KLHL4: variants seen among roughly 807,000 people sequenced by gnomAD.
KLHL4 encodes kelch like family member 4, also known as kelch-like protein 4.
A neutral mutation model predicts 45.8 loss-of-function variants in KLHL4; 17 were observed. That is an observed-to-expected ratio of 0.37 (90% confidence interval 0.25 to 0.56). KLHL4 has a LOEUF of 0.56. Ranked by LOEUF, KLHL4 falls within the 20% of genes least tolerant of loss-of-function variation. The pLI is 0.79. For synonymous variants in KLHL4, 224 were observed against 189.9 expected, an observed-to-expected ratio of 1.18 and a Z score of -1.47; for missense variants, 544 against 544.9, an observed-to-expected ratio of 1.00 and a Z score of 0.02.
intron 1 of KLHL4, among the ~76,000 whole-genome samples, chrX:87,601,305 C>T (rs72634513): frequency 0.3 from 32,641 of 110,272 alleles, 3,638 homozygotes; most frequent in African/African-American, 0.4. Flanking sequence ...CTTGGGGTTT[C>T]ATACATTGGC....
intron 1 of KLHL4, among the ~76,000 whole-genome samples, chrX:87,523,412 G>A (rs918146563): frequency 4.5e-5 from 5 of 111,413 alleles, no homozygotes; most frequent in Admixed American, 1.9e-4. Flanking sequence ...GAGCACTGGG[G>A]AACACTGGAT....
At chrX:87,568,592 A>G (rs748004226) in intron 1 of KLHL4, among the ~76,000 whole-genome samples, 1 of 110,257 alleles carries the variant, frequency 9.1e-6, no homozygotes, top group African/African-American at 3.3e-5. Context: ...TAGTACTTTC[A>G]TAAGGATAAA....
chrX:87,632,686 A>G (rs935866411), intron 7 of KLHL4, among the ~76,000 whole-genome samples: 2 of 111,499 alleles, frequency 1.8e-5, no homozygotes, highest in African/African-American at 3.3e-5. Flanking sequence ...AAAGGGATTT[A>G]TTATAAAATA....
In KLHL4 at chrX:87,669,418, C is replaced by T. The variant is rs779610187; in HGVS notation, c.*2884C>T. On this transcript the variant is annotated 3_prime_UTR_variant, in exon 11 of 11. Transcript: ENST00000373119. ...AAATTCAGATCCTTTCTCCACACAG[C>T]AATGACATTTATCAATCTGACTCAG... 1 of 1,206,780 alleles carries T rather than the reference C, an allele frequency of 8.3e-7. No individual in the cohort carries two copies. The highest frequency in any genetic ancestry group is 1.1e-6 in the Non-Finnish European group (1 of 892,869).
chrX:87,617,232 C>A, intron 3 of KLHL4, among the ~76,000 whole-genome samples: 1 of 108,219 alleles, frequency 9.2e-6, no homozygotes, highest in Admixed American at 9.9e-5. Context: ...TATAACAAAG[C>A]AAATAAGTAA....
intron 1 of KLHL4, among the ~76,000 whole-genome samples, chrX:87,576,982 C>A (rs1264809044): frequency 3.6e-5 from 4 of 111,054 alleles, no homozygotes; most frequent in Non-Finnish European, 7.6e-5. Context: ...TAATAGCTGG[C>A]CTTTAAGTAT....
intron 1 of KLHL4, among the ~76,000 whole-genome samples, chrX:87,610,940 G>T (rs192374739): frequency 3.6e-5 from 4 of 110,462 alleles, no homozygotes; most frequent in Non-Finnish European, 5.7e-5. Context: ...CAGGTGTGGT[G>T]GTGCACGTCC....
chrX:87,556,352 A>G (rs1931972739), intron 1 of KLHL4, among the ~76,000 whole-genome samples: 1 of 110,171 alleles, frequency 9.1e-6, no homozygotes, highest in East Asian at 2.9e-4. Flanking sequence ...ATAAAAAATG[A>G]TGAGTTCATG....
Position 87,632,381 on chromosome X carries a change from T to C in KLHL4, c.1496T>C (p.Val499Ala). 3 of 1,210,888 alleles carry C rather than the reference T, an allele frequency of 2.5e-6. No individual in the cohort carries two copies. The highest frequency in any genetic ancestry group is 3.4e-6 in the Non-Finnish European group (3 of 894,789). The change falls in exon 7 of 11, where the codon GTT becomes GCT. Residue 499 changes from valine (V) to alanine (A), a missense_variant. Val to Ala is a moderately conservative substitution (Grantham distance 64). Transcript: ENST00000373119. ...AATACAGTGGAATGTTTTAATCCAG[T>C]TGGCAAAATCTGGACTGTGATGCCT... ...TLNTVECFNP[V>A]GKIWTVMPPM...
chrX:87,607,621 C>G (rs1411956385), intron 1 of KLHL4, among the ~76,000 whole-genome samples: 1 of 111,802 alleles, frequency 8.9e-6, no homozygotes, highest in Non-Finnish European at 1.9e-5. Flanking sequence ...TACTGATAGT[C>G]TAATTTTAAA....
chrX:87,628,911 T>C (rs1923018317), intron 6 of KLHL4, among the ~76,000 whole-genome samples: 1 of 111,901 alleles, frequency 8.9e-6, no homozygotes, highest in Non-Finnish European at 1.9e-5. Flanking sequence ...AGTATAATCA[T>C]AGAGTCAAAA....
In KLHL4 at chrX:87,669,514, A is replaced by G; in HGVS notation, c.*2980A>G. ...AGTTTCCTTCTGGAGTTCCAAATGC[A>G]ATATAGAAAAAAAAACCCTGTGACT... On this transcript the variant is annotated 3_prime_UTR_variant, in exon 11 of 11. Coordinates refer to ENST00000373119, the MANE Select transcript of KLHL4 (RefSeq NM_019117.5). 1.1e-6 allele frequency: 1 copy of G among 876,028 alleles called. No individual in the cohort carries two copies. Among genetic ancestry groups the G allele is most frequent in the Admixed American group, 4.3e-5 (1 of 23,282 alleles). 72.2% of individuals were successfully genotyped at this position (876,028 alleles called of 1,213,427 possible).
intron 1 of KLHL4, among the ~76,000 whole-genome samples, chrX:87,555,926 T>A (rs1931961740): frequency 9.1e-6 from 1 of 110,475 alleles, no homozygotes; most frequent in Non-Finnish European, 1.9e-5. Flanking sequence ...GTGTCTTTGT[T>A]CTCGTTGGTT....
chrX:87,669,141 T>C lies in KLHL4; in HGVS notation c.*2607T>C. On this transcript the variant is annotated 3_prime_UTR_variant, in exon 11 of 11. Coordinates refer to ENST00000373119, the MANE Select transcript of KLHL4 (RefSeq NM_019117.5). ...AACAAATGTGTATAGGAAAGGATGT[T>C]ATTTATATATTCTTACAAGAGTGTA... 1 of 1,018,519 alleles carries C rather than the reference T, an allele frequency of 9.8e-7. No individual in the cohort carries two copies. The highest frequency in any genetic ancestry group is 1.2e-6 in the Non-Finnish European group (1 of 800,930). 83.9% of individuals were successfully genotyped at this position (1,018,519 alleles called of 1,213,427 possible).
At chrX:87,558,003 G>A (rs1472086257) in intron 1 of KLHL4, among the ~76,000 whole-genome samples, 3 of 111,474 alleles carry the variant, frequency 2.7e-5, no homozygotes, top group Non-Finnish European at 5.7e-5. Context: ...ATCCACAGAT[G>A]CCTTGGAAAT....
At chrX:87,572,408 C>G (rs1174266776) in intron 1 of KLHL4, among the ~76,000 whole-genome samples, 1 of 110,578 alleles carries the variant, frequency 9.0e-6, no homozygotes, top group Non-Finnish European at 1.9e-5. Flanking sequence ...CTGAAAAGAG[C>G]TCTCTCTCTC....
chrX:87,566,221 C>T (rs1052995174), intron 1 of KLHL4, among the ~76,000 whole-genome samples: 5 of 111,033 alleles, frequency 4.5e-5, no homozygotes, highest in African/African-American at 9.8e-5. Context: ...GGGAAGACTT[C>T]GCAGCTAGTT....
At chrX:87,590,516 G>T (rs1921628499) in intron 1 of KLHL4, among the ~76,000 whole-genome samples, 1 of 111,627 alleles carries the variant, frequency 9.0e-6, no homozygotes, top group African/African-American at 3.3e-5. Context: ...GACTACAAAA[G>T]ATATCAGACA....
chrX:87,665,050 G>T, intron 10 of KLHL4, 115 bp downstream of exon 10: 1 of 467,201 alleles, frequency 2.1e-6, no homozygotes, highest in Non-Finnish European at 3.5e-6. Flanking sequence ...AGATCTTTTA[G>T]TGAAATTTAT....
Sources: allele counts gnomAD v4.1 joint callset (sites outside exome capture counted in the v4.1 genomes callset), GRCh38; gene constraint gnomAD v4.1.1; transcripts MANE v1.5; gene names NCBI Gene and HGNC (gene_info 2026-07-23, HGNC 2026-07-21).